Variants in SLIT1 observed in about 807,000 individuals in gnomAD.
SLIT1 encodes slit guidance ligand 1.
Under a neutral mutation model 186.1 loss-of-function variants are expected in SLIT1, and 66 were observed. That is an observed-to-expected ratio of 0.35 (90% CI 0.29 to 0.44). The LOEUF (loss-of-function observed/expected upper bound fraction) is 0.44. Among genes scored for constraint, SLIT1 ranks in the 20% least tolerant of loss-of-function variants. The pLI is 1.00. For missense variants in SLIT1, 1,638 were observed against 2,037.4 expected (o/e 0.80, Z 3.77); for synonymous variants, 761 against 833.8 (o/e 0.91, Z 1.50).
At chr10:97,065,351 G>A (rs1032213974) in intron 5 of SLIT1, among the ~76,000 whole-genome samples, 1 of 152,186 alleles carries the variant, frequency 6.6e-6, no homozygotes, top group Non-Finnish European at 1.5e-5. Flanking sequence ...GGGAAAGAAT[G>A]TGGTGACTGA....
chr10:97,100,223 C>T lies in SLIT1; in HGVS notation c.414-34137G>A, dbSNP rs563041285. Among the ~76,000 whole-genome samples, 17 of 152,214 alleles carry T rather than the reference C, an allele frequency of 1.1e-4. No individual in the cohort carries two copies. In the East Asian group the frequency reaches 1.9e-3, roughly 17 times the overall value. Reference sequence around the variant, plus strand: ...CTTCCCAAGTCACTGAGCTGGGACCCGGCATGCAGGGAGTGGATGAGGGGA... The same window carrying T: ...CTTCCCAAGTCACTGAGCTGGGACCTGGCATGCAGGGAGTGGATGAGGGGA... On this transcript the variant is annotated intron_variant, in intron 4 of 36. Coordinates refer to ENST00000266058, the MANE Select transcript of SLIT1 (RefSeq NM_003061.3).
intron 9 of SLIT1, 104 bp from the exon 10 acceptor site, chr10:97,060,262 G>T (rs924148453): frequency 4.3e-6 from 4 of 925,736 alleles, no homozygotes; most frequent in Non-Finnish European, 7.0e-6. Context: ...GGCCCCTCTT[G>T]CCCCTGCTCC....
intron 4 of SLIT1, among the ~76,000 whole-genome samples, chr10:97,156,036 C>T (rs1219784631): frequency 2.6e-5 from 4 of 152,280 alleles, no homozygotes; most frequent in East Asian, 1.9e-4. Flanking sequence ...TTCTGCCTTT[C>T]GCAATCAAGT....
chr10:97,039,871 A>G, intron 21 of SLIT1, 117 bp downstream of exon 21: 2 of 1,173,926 alleles, frequency 1.7e-6, no homozygotes, highest in South Asian at 3.0e-5. Context: ...TAGTCAGCTA[A>G]TGCCTGCTCT....
rs906080471 is a variant in SLIT1 at position 97,004,676 on chromosome 10, G to A, written c.3710+17C>T. On this transcript the variant is annotated intron_variant, in intron 33 of 36. Transcript: ENST00000266058. This position sits in a 1 kb window ranked among gnomAD's most constrained non-coding sequence, Gnocchi z 5.1. Reference sequence around the variant, plus strand: ...CCGTACCCCTGAGGGCAGCTGGGGGGCATAAGGAAGCCCTACCTGTAGATG... The same window carrying A: ...CCGTACCCCTGAGGGCAGCTGGGGGACATAAGGAAGCCCTACCTGTAGATG... 14 of 1,613,936 alleles carry A rather than the reference G, an allele frequency of 8.7e-6. No individual in the cohort carries two copies. Among genetic ancestry groups the A allele is most frequent in the Non-Finnish European group, 1.2e-5 (14 of 1,179,926 alleles).
chr10:97,161,547 C>T (rs762817646), intron 3 of SLIT1, among the ~76,000 whole-genome samples: 1 of 152,144 alleles, frequency 6.6e-6, no homozygotes, highest in Non-Finnish European at 1.5e-5. Flanking sequence ...GAGGCCAAGG[C>T]GGGCGGATCA....
intron 4 of SLIT1, among the ~76,000 whole-genome samples, chr10:97,150,388 C>A (rs1376743670): frequency 1.3e-5 from 2 of 152,160 alleles, no homozygotes. Flanking sequence ...AAGCTTTGTT[C>A]TTCTGACCAG....
rs188507268 is a variant in SLIT1 at position 97,152,287 on chromosome 10, G to A, written c.413+5531C>T. On this transcript the variant is annotated intron_variant, in intron 4 of 36. Transcript: ENST00000266058. ...AAAAAACAAAACCCTGTTGGGGGAA[G>A]GTCCCTGCAAATTGAGGGGATGGTT... Among the ~76,000 whole-genome samples the A allele has an allele frequency of 7.9e-5, 12 of 152,310 alleles. No individual in the cohort carries two copies. The East Asian group carries it at 1.5e-3, about 20-fold the overall frequency.
Position 97,006,433 on chromosome 10 carries a change from G to C in SLIT1, c.3579+50C>G. On this transcript the variant is annotated intron_variant, in intron 32 of 36. Transcript: ENST00000266058. The surrounding 1 kb of genome is among the most constrained non-coding windows in gnomAD (Gnocchi z 4.0). ...ATCCTGATGCTCTGGCCTAAGCCAG[G>C]GTCGCCTGCTCCCTGACTCCCCTCT... 7.5e-7 allele frequency: 1 copy of C among 1,331,312 alleles called. No homozygotes were observed. The highest frequency in any genetic ancestry group is 1.8e-4 in the Middle Eastern group (1 of 5,506). 82.5% of individuals were successfully genotyped at this position (1,331,312 alleles called of 1,614,324 possible). A position where few individuals can be genotyped will look rare whatever the true frequency, so the allele number is the denominator to read the frequency against.
chr10:97,165,139 T>A (rs773656983), intron 1 of SLIT1, among the ~76,000 whole-genome samples: 11 of 152,094 alleles, frequency 7.2e-5, no homozygotes, highest in Non-Finnish European at 1.2e-4. Context: ...AAAAACGTGG[T>A]TTCTGCCCAC....
intron 25 of SLIT1, among the ~76,000 whole-genome samples, chr10:97,023,162 G>A (rs1056460610): frequency 8.7e-5 from 13 of 150,284 alleles, no homozygotes; most frequent in Admixed American, 4.0e-4. Context: ...AGTGATTCTT[G>A]TACCTTAGCC....
intron 1 of SLIT1, among the ~76,000 whole-genome samples, chr10:97,173,950 C>T (rs1189338385): frequency 1.3e-5 from 2 of 152,202 alleles, no homozygotes; most frequent in African/African-American, 4.8e-5. Flanking sequence ...ACCAGCCCCT[C>T]AGCAGCAGGG....
At chr10:97,185,029 C>G (rs1850392074) in intron 1 of SLIT1, among the ~76,000 whole-genome samples, 1 of 152,262 alleles carries the variant, frequency 6.6e-6, no homozygotes, top group Non-Finnish European at 1.5e-5. Context: ...TCGTCAGGAG[C>G]AAGCTCTGGG....
chr10:97,046,311 G>C (rs1297206930), intron 18 of SLIT1, among the ~76,000 whole-genome samples: 1 of 152,136 alleles, frequency 6.6e-6, no homozygotes, highest in Non-Finnish European at 1.5e-5. Flanking sequence ...AGGTCATCCA[G>C]CCCCTCCTGC....
chr10:97,058,236 G>C lies in SLIT1; in HGVS notation c.1086-955C>G, dbSNP rs763730887. On this transcript the variant is annotated intron_variant, in intron 11 of 36. Coordinates refer to ENST00000266058, the MANE Select transcript of SLIT1 (RefSeq NM_003061.3). Reference sequence around the variant, plus strand: ...CTGCTGGGTGGGAAATGGAGCAGAGGGGGCAGGAACTGAAGCAGGGAGGCA... The same window carrying C: ...CTGCTGGGTGGGAAATGGAGCAGAGCGGGCAGGAACTGAAGCAGGGAGGCA... The C allele has an allele frequency of 3.2e-5, 20 of 620,068 alleles. No individual in the cohort carries two copies. In the Middle Eastern group the frequency reaches 1.3e-3, roughly 39 times the overall value. The allele number at this position is 620,068 out of a possible 1,614,324, so 38.4% of individuals were successfully genotyped here.
At chr10:97,060,465 T>C (rs1487510712) in intron 9 of SLIT1, among the ~76,000 whole-genome samples, 175 bp downstream of exon 9, 2 of 151,876 alleles carry the variant, frequency 1.3e-5, no homozygotes, top group African/African-American at 4.8e-5. Flanking sequence ...CCCTCCAGAG[T>C]TTCCCAGCCC....
intron 4 of SLIT1, among the ~76,000 whole-genome samples, chr10:97,067,008 C>T (rs2134642446): frequency 6.6e-6 from 1 of 152,308 alleles, no homozygotes; most frequent in East Asian, 1.9e-4. Context: ...AGCAAGCTGA[C>T]TCAGGAAGGA....
intron 4 of SLIT1, among the ~76,000 whole-genome samples, chr10:97,080,954 T>A (rs1286893127): frequency 6.6e-6 from 1 of 152,222 alleles, no homozygotes; most frequent in Non-Finnish European, 1.5e-5. Flanking sequence ...GCAGGGTCAG[T>A]GCCACCACCT....
chr10:97,182,916 A>G (rs894055458), intron 1 of SLIT1, among the ~76,000 whole-genome samples: 2 of 152,066 alleles, frequency 1.3e-5, no homozygotes, highest in African/African-American at 4.8e-5. Context: ...GCTTGAGCCC[A>G]GAAGTTTGAG....
Sources: allele counts gnomAD v4.1 joint callset (sites outside exome capture counted in the v4.1 genomes callset), GRCh38; gene constraint gnomAD v4.1.1; non-coding constraint Gnocchi (gnomAD v3.1); transcripts MANE v1.5; gene names NCBI Gene and HGNC (gene_info 2026-07-23, HGNC 2026-07-21).